Variants in SEMA6A observed in about 807,000 individuals in gnomAD.
SEMA6A encodes the protein semaphorin 6A, also known as semaphorin-6A.
Under a neutral mutation model 96.8 loss-of-function variants are expected in SEMA6A, and 25 were observed. The ratio of observed to expected loss-of-function variants is 0.26; its 90% CI spans 0.19 to 0.36. The LOEUF is 0.36. Ranked by LOEUF, SEMA6A falls within the 10% of genes least tolerant of loss-of-function variation. The pLI is 1.00. For synonymous variants in SEMA6A, 612 were observed against 518.0 expected, an observed-to-expected ratio of 1.18 and a Z score of -2.46; for missense variants, 1,363 against 1,323.1, an observed-to-expected ratio of 1.03 and a Z score of -0.47.
At chr5:116,542,993 A>C (rs1265752647) in intron 1 of SEMA6A, among the ~76,000 whole-genome samples, 3 of 152,182 alleles carry the variant, frequency 2.0e-5, no homozygotes. Flanking sequence ...CTGTAAGTAC[A>C]TATATTTGAA....
At chr5:116,449,314 T>C (rs1269201687) in intron 18 of SEMA6A, 4 of 702,210 alleles carry the variant, frequency 5.7e-6, no homozygotes, top group Non-Finnish European at 1.0e-5. Flanking sequence ...ACAGAAAAGG[T>C]ACCTTCTCTG....
At chr5:116,494,333 G>C (rs929658662) in intron 6 of SEMA6A, among the ~76,000 whole-genome samples, 2 of 152,178 alleles carry the variant, frequency 1.3e-5, no homozygotes, top group Admixed American at 6.5e-5. Context: ...TTAAGACAAA[G>C]GTTAGGCATT....
At chr5:116,448,459 T>C (rs985875458) in intron 18 of SEMA6A, among the ~76,000 whole-genome samples, 1 of 152,184 alleles carries the variant, frequency 6.6e-6, no homozygotes, top group African/African-American at 2.4e-5. Context: ...CTTTCTTTCC[T>C]TCTTTATGGC....
intron 1 of SEMA6A, among the ~76,000 whole-genome samples, chr5:116,543,947 C>T (rs1760081162): frequency 6.6e-6 from 1 of 152,126 alleles, no homozygotes. Context: ...TGTTAAAATA[C>T]ATTTGCAAGG....
At chr5:116,493,507 A>G (rs1383952160) in intron 6 of SEMA6A, among the ~76,000 whole-genome samples, 1 of 152,212 alleles carries the variant, frequency 6.6e-6, no homozygotes, top group Non-Finnish European at 1.5e-5. Flanking sequence ...TTTTTAAAAA[A>G]TATTGCATTA....
At chr5:116,509,960 G>A (rs1231848886) in intron 1 of SEMA6A, among the ~76,000 whole-genome samples, 1 of 152,056 alleles carries the variant, frequency 6.6e-6, no homozygotes, top group Admixed American at 6.6e-5. Flanking sequence ...TTTCCTGGTT[G>A]CTCCTAAGCA....
intron 1 of SEMA6A, among the ~76,000 whole-genome samples, chr5:116,526,913 T>A (rs983250746): frequency 1.3e-5 from 2 of 152,192 alleles, no homozygotes; most frequent in African/African-American, 4.8e-5. Flanking sequence ...CCTGACCTAG[T>A]TACATTGCTG....
rs373411237 is a variant in SEMA6A at position 116,502,713 on chromosome 5, C to T, written c.101-386G>A. 60 of 175,932 alleles carry T rather than the reference C, an allele frequency of 3.4e-4. No individual in the cohort carries two copies. In the East Asian group the frequency reaches 4.6e-3, roughly 13 times the overall value. 10.9% of individuals were successfully genotyped at this position (175,932 alleles called of 1,614,324 possible). ...GGGCAGTCTGCCAAAGATCTTGTCTCGGGACAAAACTATTTCAAAGCAGCC... is the reference window on the plus strand; with the variant it reads ...GGGCAGTCTGCCAAAGATCTTGTCTTGGGACAAAACTATTTCAAAGCAGCC... On this transcript the variant is annotated intron_variant, in intron 2 of 18. Transcript: ENST00000343348.
At chr5:116,452,554 G>A (rs972475879) in intron 18 of SEMA6A, among the ~76,000 whole-genome samples, 2 of 152,130 alleles carry the variant, frequency 1.3e-5, no homozygotes, top group East Asian at 3.9e-4. Context: ...CCTGCAACAT[G>A]TGATTCAAAA....
intron 18 of SEMA6A, among the ~76,000 whole-genome samples, chr5:116,460,533 G>A (rs762097811): frequency 2.6e-5 from 4 of 151,900 alleles, no homozygotes; most frequent in Non-Finnish European, 5.9e-5. Context: ...CAGTTAATTC[G>A]GATAAACAAA....
intron 1 of SEMA6A, among the ~76,000 whole-genome samples, chr5:116,557,068 T>A (rs111433567): frequency 0.018 from 2,695 of 152,346 alleles, 80 homozygotes; most frequent in African/African-American, 0.059. Flanking sequence ...CTCTTCTTAA[T>A]ATCTTTAGAG....
At chr5:116,512,490 T>A (rs1003686521) in intron 1 of SEMA6A, among the ~76,000 whole-genome samples, 1 of 152,136 alleles carries the variant, frequency 6.6e-6, no homozygotes, top group Non-Finnish European at 1.5e-5. Flanking sequence ...ATAATAAATA[T>A]CGACTGGGTG....
Position 116,446,961 on chromosome 5 carries a change from G to C in SEMA6A, c.2745C>G (p.Asp915Glu). 6.2e-7 allele frequency: 1 copy of C among 1,613,962 alleles called. No homozygotes were observed. The highest frequency in any genetic ancestry group is 8.5e-7 in the Non-Finnish European group (1 of 1,179,878). ...AGTTCGTGGGGTAGCTCCTCTTATA[G>C]TCAACCCCGTAGGAAGAGGAGTGGT... Reference protein sequence around the residue: ...EMHHSSSYGVDYKRSYPTNSL... With the variant: ...EMHHSSSYGVEYKRSYPTNSL... The change falls in exon 19 of 19, where the codon GAC becomes GAG. Residue 915 changes from aspartate to glutamate, a missense_variant. Asp to Glu is a conservative substitution (Grantham distance 45, BLOSUM62 2). This residue lies in a region of SEMA6A where 883 missense variants were observed against 763.6 expected (regional missense o/e 1.16). Transcript: ENST00000343348.
chr5:116,500,595 G>C lies in SEMA6A; in HGVS notation c.218+1615C>G, dbSNP rs370190302. On this transcript the variant is annotated intron_variant, in intron 3 of 18. Coordinates refer to ENST00000343348, the MANE Select transcript of SEMA6A (RefSeq NM_020796.5). ...GGCAGTTTCAGGATGTTTTAGTCTA[G>C]CCCCTTTTTTTTTTAACTTTATGTT... 1.9e-4 allele frequency among the ~76,000 whole-genome samples: 29 copies of C among 152,180 alleles called. 1 individual carries two copies. In the South Asian group the frequency reaches 5.8e-3, roughly 30 times the overall value.
chr5:116,452,980 C>A (rs1289804197), intron 18 of SEMA6A, among the ~76,000 whole-genome samples: 1 of 152,242 alleles, frequency 6.6e-6, no homozygotes. Context: ...GTGGCTATGT[C>A]ATGAGTTACA....
intron 1 of SEMA6A, among the ~76,000 whole-genome samples, chr5:116,519,493 C>T (rs914982228): frequency 6.6e-6 from 1 of 152,188 alleles, no homozygotes; most frequent in Non-Finnish European, 1.5e-5. Flanking sequence ...CATTCATTCA[C>T]TCATCGAATT....
chr5:116,447,193 A>G lies in SEMA6A; in HGVS notation c.2513T>C (p.Val838Ala). The G allele has an allele frequency of 6.2e-7, 1 of 1,613,888 alleles. No homozygotes were observed. Among genetic ancestry groups the G allele is most frequent in the Non-Finnish European group, 8.5e-7 (1 of 1,179,878 alleles). ...CTGGTCCTCCAGCGCCATCTGGGCC[A>G]CCTCGCTCATTTTGGGCTGGTCCAC... ...EYVDQPKMSE[V>A]AQMALEDQAA... Residue 838 changes from valine (V) to alanine (A), a missense_variant, in exon 19 of 19, where the codon GTG (valine) becomes GCG (alanine). Coordinates refer to ENST00000343348, the MANE Select transcript of SEMA6A (RefSeq NM_020796.5).
chr5:116,545,427 A>G (rs405654), intron 1 of SEMA6A, among the ~76,000 whole-genome samples: 74,496 of 151,792 alleles, frequency 0.49, 18,686 homozygotes, highest in African/African-American at 0.55. Flanking sequence ...AAAATTACCC[A>G]GGCGTGGTGG....
At chr5:116,523,204 T>C (rs995860482) in intron 1 of SEMA6A, among the ~76,000 whole-genome samples, 2 of 152,144 alleles carry the variant, frequency 1.3e-5, no homozygotes, top group East Asian at 3.9e-4. Context: ...TGGTTCTCCT[T>C]CTCCTCAGAG....
Sources: allele counts gnomAD v4.1 joint callset (sites outside exome capture counted in the v4.1 genomes callset), GRCh38; gene constraint gnomAD v4.1.1; regional missense constraint gnomAD v4.1.1; transcripts MANE v1.5; gene names NCBI Gene and HGNC (gene_info 2026-07-23, HGNC 2026-07-21).